Variants in LRRC8C observed in about 807,000 individuals in gnomAD.
LRRC8C encodes volume-regulated anion channel subunit LRRC8C.
A neutral mutation model predicts 55.3 loss-of-function variants in LRRC8C; 20 were observed. The observed-to-expected ratio is 0.36, with a 90% CI of 0.25 to 0.53. The LOEUF (loss-of-function observed/expected upper bound fraction) is 0.53, where lower values mean the gene tolerates loss of function less well. Ranked by LOEUF, LRRC8C falls within the 20% of genes least tolerant of loss-of-function variation. The pLI is 0.92. For missense variants in LRRC8C, 659 were observed against 951.4 expected, an observed-to-expected ratio of 0.69 and a Z score of 4.04; for synonymous variants, 376 against 360.7, an observed-to-expected ratio of 1.04 and a Z score of -0.48.
At chr1:89,621,401 G>A in the LRRC8C span, among the ~76,000 whole-genome samples, 1 of 151,720 alleles carries the variant, frequency 6.6e-6, no homozygotes, top group Non-Finnish European at 1.5e-5. Context: ...CCCAGGAGGC[G>A]GAGCTTGCAG....
chr1:89,681,070 A>C (rs1657695203), intron 1 of LRRC8C, among the ~76,000 whole-genome samples: 1 of 152,250 alleles, frequency 6.6e-6, no homozygotes, highest in African/African-American at 2.4e-5. Flanking sequence ...TATAAAATAG[A>C]AAAATGTTTA....
chr1:89,699,985 GACA>G (rs1247756647), intron 2 of LRRC8C, among the ~76,000 whole-genome samples: 1 of 152,154 alleles, frequency 6.6e-6, no homozygotes, highest in Non-Finnish European at 1.5e-5. Context: ...CATGCGTTTG[GACA>G]ACGAGTGCTT....
intron 2 of LRRC8C, among the ~76,000 whole-genome samples, chr1:89,710,276 T>TA (rs1170517341): frequency 6.6e-6 from 1 of 152,180 alleles, no homozygotes; most frequent in African/African-American, 2.4e-5. Context: ...GATAGTCTAG[T>TA]ATTTGTCTAG....
chr1:89,659,048 G>GTTTTGT (rs1657028707), intron 1 of LRRC8C, among the ~76,000 whole-genome samples: 2 of 26,232 alleles, frequency 7.6e-5, no homozygotes, highest in African/African-American at 2.1e-4. Context: ...TCTTCTCCAG[G>GTTTTGT]TTTTTTTTTT....
At chr1:89,677,630 G>A (rs1339365973) in intron 1 of LRRC8C, among the ~76,000 whole-genome samples, 1 of 152,134 alleles carries the variant, frequency 6.6e-6, no homozygotes, top group Non-Finnish European at 1.5e-5. Flanking sequence ...TGTTCCTTGG[G>A]CAAGTCACCT....
chr1:89,684,680 G>C (rs556318869), intron 1 of LRRC8C, among the ~76,000 whole-genome samples: 8 of 152,264 alleles, frequency 5.3e-5, no homozygotes, highest in African/African-American at 1.4e-4. Flanking sequence ...GAAAATCAAA[G>C]TTTGGACTAG....
intron 1 of LRRC8C, among the ~76,000 whole-genome samples, chr1:89,677,769 T>C (rs544135806): frequency 6.6e-6 from 1 of 152,338 alleles, no homozygotes; most frequent in South Asian, 2.1e-4. Context: ...AATACATTTC[T>C]ACAGAACCAT....
At chr1:89,668,785 G>T (rs1033324309) in intron 1 of LRRC8C, among the ~76,000 whole-genome samples, 11 of 152,082 alleles carry the variant, frequency 7.2e-5, no homozygotes. Context: ...TACCTACCTC[G>T]TGGATTTAAT....
intron 2 of LRRC8C, among the ~76,000 whole-genome samples, chr1:89,691,869 G>T (rs541081620): frequency 6.6e-6 from 1 of 152,036 alleles, no homozygotes; most frequent in Non-Finnish European, 1.5e-5. Flanking sequence ...AGAGAAAATC[G>T]TTACAAAAAG....
intron 1 of LRRC8C, among the ~76,000 whole-genome samples, chr1:89,653,851 G>A (rs544363799): frequency 1.2e-4 from 18 of 152,156 alleles, no homozygotes; most frequent in Non-Finnish European, 1.8e-4. Context: ...TTTTGGACTC[G>A]TTAATTTCAA....
At chr1:89,681,777 AT>A (rs1164191060) in intron 1 of LRRC8C, among the ~76,000 whole-genome samples, 1 of 152,222 alleles carries the variant, frequency 6.6e-6, no homozygotes, top group Non-Finnish European at 1.5e-5. Context: ...TACAGTTCAC[AT>A]GAGATTTGTG....
At chr1:89,660,664 A>G (rs1313463624) in intron 1 of LRRC8C, among the ~76,000 whole-genome samples, 1 of 152,198 alleles carries the variant, frequency 6.6e-6, no homozygotes, top group East Asian at 1.9e-4. Context: ...CACTTTCTGC[A>G]TTTCAGTAAG....
At chr1:89,709,487 C>T (rs1658582759) in intron 2 of LRRC8C, among the ~76,000 whole-genome samples, 1 of 152,182 alleles carries the variant, frequency 6.6e-6, no homozygotes, top group African/African-American at 2.4e-5. Context: ...TACACTTGCC[C>T]TTCACCTGGG....
intron 1 of LRRC8C, among the ~76,000 whole-genome samples, chr1:89,654,539 A>C (rs752208820): frequency 2.0e-5 from 3 of 152,182 alleles, no homozygotes; most frequent in African/African-American, 7.2e-5. Context: ...CTTTTTAAGG[A>C]GAGAATACAT....
chr1:89,619,000 T>A, the LRRC8C span, among the ~76,000 whole-genome samples: 1 of 152,224 alleles, frequency 6.6e-6, no homozygotes, highest in African/African-American at 2.4e-5. Context: ...TACGAGGTCC[T>A]CCCTACTCTG....
At chr1:89,682,497 T>C (rs1657746193) in intron 1 of LRRC8C, among the ~76,000 whole-genome samples, 1 of 152,204 alleles carries the variant, frequency 6.6e-6, no homozygotes, top group Non-Finnish European at 1.5e-5. Flanking sequence ...GTATGGTTCA[T>C]GGAAGCCTGG....
chr1:89,713,897 A>G lies in LRRC8C; in HGVS notation c.1327A>G (p.Ile443Val), dbSNP rs188344379. The stretch of plus-strand genomic sequence containing the variant: ...TGGCCTTCCAGACACTGTTTTTGAA[A>G]TCACAGAGTTGCAATCTCTAAAACT... Reference protein sequence around the residue: ...LSGLPDTVFEITELQSLKLEI... With the variant: ...LSGLPDTVFEVTELQSLKLEI... Residue 443 changes from isoleucine (I) to valine (V), a missense_variant, in exon 3 of 3, where the codon ATC (isoleucine) becomes GTC (valine). Coordinates refer to ENST00000370454, the MANE Select transcript of LRRC8C (RefSeq NM_032270.5). This position sits in a 1 kb window ranked among gnomAD's most constrained non-coding sequence, Gnocchi z 5.2. The G allele has an allele frequency of 2.2e-4, 357 of 1,614,154 alleles. 1 individual carries two copies. The highest frequency in any genetic ancestry group is 1.3e-5 in the Non-Finnish European group (15 of 1,180,034).
intron 1 of LRRC8C, among the ~76,000 whole-genome samples, chr1:89,668,765 G>A (rs1657336642): frequency 6.6e-6 from 1 of 152,138 alleles, no homozygotes; most frequent in Admixed American, 6.6e-5. Context: ...CTTCTGTACA[G>A]AAAAGATAAT....
At chr1:89,692,951 A>G (rs115903846) in intron 2 of LRRC8C, among the ~76,000 whole-genome samples, 1,723 of 152,312 alleles carry the variant, frequency 0.011, 45 homozygotes, top group African/African-American at 0.04. Flanking sequence ...CCATGGGCAG[A>G]CCGTTACCAA....
Sources: allele counts gnomAD v4.1 joint callset (sites outside exome capture counted in the v4.1 genomes callset), GRCh38; gene constraint gnomAD v4.1.1; non-coding constraint Gnocchi (gnomAD v3.1); transcripts MANE v1.5; gene names NCBI Gene and HGNC (gene_info 2026-07-23, HGNC 2026-07-21).